The following PCNX2 variants were observed in gnomAD, a reference collection of about 807,000 sequenced individuals.
The protein encoded by PCNX2 is pecanex-like protein 2.
PCNX2 carries 168 observed loss-of-function variants against 223.8 expected under a neutral mutation model. The ratio of observed to expected loss-of-function variants is 0.75; its 90% confidence interval spans 0.66 to 0.85. PCNX2 has a LOEUF of 0.85. PCNX2 is among the 40% of genes least tolerant of loss of function. The pLI is 0.00. For synonymous variants in PCNX2, 1,006 were observed against 1,052.6 expected (o/e 0.96, Z 0.86); for missense variants, 2,507 against 2,675.5 (o/e 0.94, Z 1.39).
intron 7 of PCNX2, 108 bp from the exon 8 acceptor site, chr1:233,250,940 T>C: frequency 2.5e-6 from 3 of 1,200,884 alleles, no homozygotes; most frequent in Non-Finnish European, 3.4e-6. Context: ...TGGTCTGTTA[T>C]AATAACTGTT....
At chr1:233,038,753 T>G (rs956024895) in intron 25 of PCNX2, among the ~76,000 whole-genome samples, 1 of 152,236 alleles carries the variant, frequency 6.6e-6, no homozygotes, top group East Asian at 1.9e-4. Flanking sequence ...TTGCTCTGCA[T>G]GGATTAGCCA....
chr1:233,167,747 G>T (rs1307612445), intron 17 of PCNX2: 1 of 984,628 alleles, frequency 1.0e-6, no homozygotes, highest in African/African-American at 1.7e-5. Context: ...TAAAACACCT[G>T]AACTTCAGAG....
At chr1:233,317,629 A>C in the PCNX2 span, among the ~76,000 whole-genome samples, 3 of 152,140 alleles carry the variant, frequency 2.0e-5, no homozygotes, top group Admixed American at 2.0e-4. Context: ...TGGCACAGTG[A>C]AATTGATCTT....
intron 23 of PCNX2, among the ~76,000 whole-genome samples, chr1:233,085,192 G>A (rs1032826247): frequency 2.0e-5 from 3 of 152,098 alleles, no homozygotes; most frequent in Non-Finnish European, 4.4e-5. Context: ...AATTATCCAG[G>A]TGTGGTGGCG....
intron 18 of PCNX2, among the ~76,000 whole-genome samples, 164 bp downstream of exon 18, chr1:233,161,107 C>T (rs749364933): frequency 1.9e-4 from 29 of 152,168 alleles, no homozygotes; most frequent in Non-Finnish European, 3.4e-4. Flanking sequence ...ACATCTTGGA[C>T]ATAACTGTTC....
upstream of PCNX2, among the ~76,000 whole-genome samples, chr1:233,295,957 T>C (rs1367686665): frequency 7.2e-6 from 1 of 138,956 alleles, no homozygotes. This position sits in a 1 kb window ranked among gnomAD's most constrained non-coding sequence, Gnocchi z 4.1. Context: ...TTCCTTTCTC[T>C]CTCTCTCTCT....
intron 19 of PCNX2, among the ~76,000 whole-genome samples, chr1:233,146,750 G>A (rs1048192643): frequency 4.6e-5 from 7 of 152,200 alleles, no homozygotes; most frequent in Non-Finnish European, 1.0e-4. Context: ...CATTTGAGTG[G>A]CTGGGTCATC....
At chr1:233,054,889 G>A (rs1409842399) in intron 24 of PCNX2, among the ~76,000 whole-genome samples, 1 of 152,136 alleles carries the variant, frequency 6.6e-6, no homozygotes, top group Non-Finnish European at 1.5e-5. Context: ...AATAATTTGT[G>A]TAGGGTAAAA....
chr1:232,984,307 C>T lies in PCNX2; in HGVS notation c.6411G>A (p.Gln2137=). ...TASQQSVSDE[Q] ...TCCCCGCCCGGCCGCACGCCCGTCA[C>T]TGCTCGTCTGACACACTTTGCTGCG... The change falls in exon 34 of 34, where the codon CAG becomes CAA. Residue 2137 remains glutamine (Q), a synonymous_variant. Coordinates refer to ENST00000258229, the MANE Select transcript of PCNX2 (RefSeq NM_014801.4). The T allele has an allele frequency of 6.2e-7, 1 of 1,603,418 alleles. No homozygotes were observed. Among genetic ancestry groups the T allele is most frequent in the Non-Finnish European group, 8.5e-7 (1 of 1,175,378 alleles).
At chr1:233,028,931 C>T (rs1005404259) in intron 25 of PCNX2, among the ~76,000 whole-genome samples, 8 of 151,342 alleles carry the variant, frequency 5.3e-5, no homozygotes, top group Middle Eastern at 3.4e-3. Context: ...CTCTGCTTCC[C>T]GGGTTCAAGC....
intron 1 of PCNX2, among the ~76,000 whole-genome samples, chr1:233,292,256 G>T (rs147101051): frequency 7.0e-6 from 1 of 142,392 alleles, no homozygotes; most frequent in African/African-American, 2.7e-5. Flanking sequence ...ACCCAGCCTG[G>T]AGTGCAGTGG....
chr1:233,235,832 C>T (rs1005742727), intron 9 of PCNX2, among the ~76,000 whole-genome samples: 1 of 151,520 alleles, frequency 6.6e-6, no homozygotes, highest in Non-Finnish European at 1.5e-5. Context: ...GAACCCCTGA[C>T]CTCAGGTGAT....
chr1:233,250,334 G>GTTGT (rs1314674189), intron 8 of PCNX2, among the ~76,000 whole-genome samples: 1 of 152,194 alleles, frequency 6.6e-6, no homozygotes, highest in Non-Finnish European at 1.5e-5. Flanking sequence ...GAAAAGATGT[G>GTTGT]TATCTATCTG....
rs531697933 is a variant in PCNX2, at chr1:233,072,366, C to A, written c.4077-15076G>T. Among the ~76,000 whole-genome samples, 8 of 152,326 alleles carry A rather than the reference C, an allele frequency of 5.3e-5. No homozygotes were observed. In the South Asian group the frequency reaches 1.5e-3, roughly 28 times the overall value. On this transcript the variant is annotated intron_variant, in intron 23 of 33. Transcript: ENST00000258229. ...AGTTTCAATTTCTGCATATGGCTAGCCAGTTATGCCAGCACCATTTATTGA... is the reference window on the plus strand; with the variant it reads ...AGTTTCAATTTCTGCATATGGCTAGACAGTTATGCCAGCACCATTTATTGA...
chr1:233,144,970 C>G (rs199781189), intron 19 of PCNX2, among the ~76,000 whole-genome samples: 3 of 113,514 alleles, frequency 2.6e-5, no homozygotes, highest in African/African-American at 5.1e-5. Flanking sequence ...TTTTTTGTTT[C>G]TTTTTTTTTT....
chr1:233,322,513 G>C, the PCNX2 span, among the ~76,000 whole-genome samples: 1 of 152,060 alleles, frequency 6.6e-6, no homozygotes, highest in East Asian at 1.9e-4. Flanking sequence ...CACACTGGTC[G>C]GTGATCAAGG....
rs937350749 is a variant in PCNX2 at position 233,187,428 on chromosome 1, A to C, written c.3067-8253T>G. 4.6e-5 allele frequency among the ~76,000 whole-genome samples: 7 copies of C among 152,092 alleles called. No individual in the cohort carries two copies. The East Asian group carries it at 7.7e-4, about 17-fold the overall frequency. On this transcript the variant is annotated intron_variant, in intron 15 of 33. Transcript: ENST00000258229. ...CACTACTAGGGTCACAACAGCTCAA[A>C]TTCTGGGCCTAGAATGCTGTTTTCC...
Position 233,227,176 on chromosome 1 carries a change from A to C in PCNX2, c.2504+50T>G, listed in dbSNP as rs755042375. The C allele has an allele frequency of 5.6e-5, 87 of 1,543,868 alleles. 1 individual carries two copies. In the South Asian group the frequency reaches 1.1e-3, roughly 19 times the overall value. On this transcript the variant is annotated intron_variant, in intron 10 of 33. Coordinates refer to ENST00000258229, the MANE Select transcript of PCNX2 (RefSeq NM_014801.4). Reference sequence around the variant, plus strand: ...TTGAAAGCATGCAGTGGGCACTGTCACGTCCCCGGTGTGCCTTCCGACAGT... The same window carrying C: ...TTGAAAGCATGCAGTGGGCACTGTCCCGTCCCCGGTGTGCCTTCCGACAGT...
intron 21 of PCNX2, among the ~76,000 whole-genome samples, chr1:233,104,174 T>C (rs1017651933): frequency 2.6e-5 from 4 of 151,952 alleles, no homozygotes; most frequent in South Asian, 2.1e-4. Flanking sequence ...AAAAATACCA[T>C]GGTAGAAAAA....
Sources: gnomAD v4.1 joint callset for allele counts (sites outside exome capture counted in the v4.1 genomes callset) on GRCh38, gnomAD v4.1.1 for gene constraint, Gnocchi (gnomAD v3.1) non-coding constraint, MANE v1.5 for transcripts, NCBI Gene and HGNC (gene_info 2026-07-23, HGNC 2026-07-21) for gene names.